Variants in WIPI2 observed in about 807,000 individuals in gnomAD.
WIPI2 encodes WD repeat domain phosphoinositide-interacting protein 2.
WIPI2 carries 28 observed loss-of-function variants against 52.3 expected under a neutral mutation model. The observed-to-expected ratio is 0.54, with a 90% CI of 0.40 to 0.73. The LOEUF (loss-of-function observed/expected upper bound fraction) is 0.73, where lower values mean the gene tolerates loss of function less well. Ranked by LOEUF, WIPI2 falls within the 30% of genes least tolerant of loss-of-function variation. The probability of loss-of-function intolerance (pLI) is 0.00; values close to 1 mark genes in which losing one functional copy is unlikely to be tolerated. For missense variants in WIPI2, 506 were observed against 602.9 expected, an observed-to-expected ratio of 0.84 and a Z score of 1.68; for synonymous variants, 268 against 245.0, an observed-to-expected ratio of 1.09 and a Z score of -0.88.
intron 3 of WIPI2, among the ~76,000 whole-genome samples, chr7:5,210,595 A>G (rs950283417): frequency 4.6e-5 from 7 of 152,178 alleles, no homozygotes; most frequent in Admixed American, 2.0e-4. Context: ...GATGGTCTCT[A>G]CTGGTGTAGG....
chr7:5,217,210 A>T, intron 6 of WIPI2, 23 bp downstream of exon 6: 1 of 1,612,938 alleles, frequency 6.2e-7, no homozygotes, highest in Admixed American at 1.7e-5. Context: ...TCCTGCTCGA[A>T]TAGCTCTCTA....
At chr7:5,193,046 TC>T in intron 1 of WIPI2, 71 bp from the exon 2 acceptor site, 3 of 1,445,464 alleles carry the variant, frequency 2.1e-6, no homozygotes, top group East Asian at 2.3e-5. Flanking sequence ...ATGATTCCTA[TC>T]CTAAAAGTGT....
intron 4 of WIPI2, chr7:5,216,150 ACATT>A (rs1320244825): frequency 5.6e-5 from 9 of 160,862 alleles, no homozygotes; most frequent in Non-Finnish European, 1.1e-4. Flanking sequence ...GGCGCTTCTA[ACATT>A]GGTCTGCATG....
intron 3 of WIPI2, among the ~76,000 whole-genome samples, chr7:5,209,809 G>C (rs1185485916): frequency 6.6e-6 from 1 of 152,138 alleles, no homozygotes; most frequent in African/African-American, 2.4e-5. Context: ...AGTATATCTA[G>C]TAGCTCCTGT....
chr7:5,193,843 T>C (rs544011421), intron 2 of WIPI2, among the ~76,000 whole-genome samples: 1 of 152,274 alleles, frequency 6.6e-6, no homozygotes, highest in South Asian at 2.1e-4. Context: ...CTCCAGAGCA[T>C]TGGGATTACA....
chr7:5,209,959 G>T (rs918440780), intron 3 of WIPI2, among the ~76,000 whole-genome samples: 2 of 152,172 alleles, frequency 1.3e-5, no homozygotes, highest in Admixed American at 1.3e-4. Context: ...CCATGCTGGA[G>T]TCTGGTGGTG....
At chr7:5,192,138 C>T (rs1781513908) in intron 1 of WIPI2, among the ~76,000 whole-genome samples, 1 of 152,118 alleles carries the variant, frequency 6.6e-6, no homozygotes, top group Non-Finnish European at 1.5e-5. Context: ...ATGAAAACTC[C>T]CAAGTACTGT....
chr7:5,218,974 C>G (rs922933919), intron 7 of WIPI2: 5 of 152,158 alleles, frequency 3.3e-5, no homozygotes, highest in Admixed American at 6.5e-5. Flanking sequence ...TTCAAGCCAT[C>G]TCTCCCCTCA....
chr7:5,191,040 G>GACAA (rs996239090), intron 1 of WIPI2, among the ~76,000 whole-genome samples: 1 of 151,912 alleles, frequency 6.6e-6, no homozygotes, highest in African/African-American at 2.4e-5. Flanking sequence ...TTTGTTTTGA[G>GACAA]ACAGAGTCTT....
chr7:5,205,566 G>C (rs1166849924), intron 3 of WIPI2, among the ~76,000 whole-genome samples: 1 of 152,038 alleles, frequency 6.6e-6, no homozygotes, highest in Non-Finnish European at 1.5e-5. Flanking sequence ...CCCCACAGGA[G>C]GAGGTGGCTC....
At chr7:5,216,515 T>C (rs1295413354) in intron 4 of WIPI2, 48 bp from the exon 5 acceptor site, 2 of 1,485,916 alleles carry the variant, frequency 1.3e-6, no homozygotes, top group East Asian at 2.3e-5. Flanking sequence ...GGGCAGGTAT[T>C]GCACTGGCCG....
chr7:5,224,373 C>G (rs980870899), intron 8 of WIPI2, among the ~76,000 whole-genome samples: 3 of 152,212 alleles, frequency 2.0e-5, no homozygotes, highest in Non-Finnish European at 4.4e-5. Context: ...TTCTCACATT[C>G]CTTTGCCTGT....
At chr7:5,199,765 C>G (rs1781936356) in intron 3 of WIPI2, 107 bp downstream of exon 3, 1 of 1,094,856 alleles carries the variant, frequency 9.1e-7, no homozygotes, top group East Asian at 2.4e-5. Flanking sequence ...TCCAGACACC[C>G]TCTTACCAGT....
At chr7:5,224,161 C>G (rs1177440435) in intron 8 of WIPI2, among the ~76,000 whole-genome samples, 1 of 152,250 alleles carries the variant, frequency 6.6e-6, no homozygotes, top group South Asian at 2.1e-4. Context: ...TGTCCTGGCT[C>G]CAGCAGTACC....
At chr7:5,194,823 T>TTG (rs907985081) in intron 2 of WIPI2, among the ~76,000 whole-genome samples, 16 of 152,092 alleles carry the variant, frequency 1.1e-4, no homozygotes, top group African/African-American at 3.9e-4. Flanking sequence ...AGAAAGGAGA[T>TTG]ATTAGCCAGT....
chr7:5,215,037 A>C (rs1344409106), intron 4 of WIPI2, among the ~76,000 whole-genome samples: 1 of 152,244 alleles, frequency 6.6e-6, no homozygotes. Context: ...TTGGCCGAGC[A>C]CAGTGGCTCA....
At chr7:5,199,690 A>G in intron 3 of WIPI2, 32 bp downstream of exon 3, 3 of 1,082,858 alleles carry the variant, frequency 2.8e-6, no homozygotes, top group Non-Finnish European at 3.7e-6. Flanking sequence ...CCCCTTCTTA[A>G]AAAAAAAAAA....
At chr7:5,222,085 G>T (rs556973160) in intron 7 of WIPI2, among the ~76,000 whole-genome samples, 1 of 151,914 alleles carries the variant, frequency 6.6e-6, no homozygotes, top group South Asian at 2.1e-4. Context: ...GAGTAGTTGG[G>T]ATTACAGGCA....
chr7:5,205,636 C>T (rs543488044), intron 3 of WIPI2, among the ~76,000 whole-genome samples: 6 of 152,252 alleles, frequency 3.9e-5, no homozygotes, highest in African/African-American at 1.4e-4. Flanking sequence ...TCCTTAGTAG[C>T]TGGGACTACA....
Sources: gnomAD v4.1 joint callset for allele counts (sites outside exome capture counted in the v4.1 genomes callset) on GRCh38, gnomAD v4.1.1 for gene constraint, MANE v1.5 for transcripts, NCBI Gene and HGNC (gene_info 2026-07-23, HGNC 2026-07-21) for gene names.